Variants in SLC35D4 observed in about 807,000 individuals in gnomAD.
SLC35D4 encodes the protein UDP-N-acetylglucosamine transporter SLC35D4.
chr18:23,264,976 TTCAC>T, the SLC35D4 span, among the ~76,000 whole-genome samples: 5 of 152,254 alleles, frequency 3.3e-5, no homozygotes, highest in African/African-American at 1.2e-4. Context: ...CTCGTGAGGA[TTCAC>T]TCACTATCGT....
chr18:23,367,059 G>A, the SLC35D4 span, among the ~76,000 whole-genome samples: 2 of 152,220 alleles, frequency 1.3e-5, no homozygotes, highest in African/African-American at 4.8e-5. Flanking sequence ...TTCAGGAGGA[G>A]AAGTGATCAC....
the SLC35D4 span, among the ~76,000 whole-genome samples, chr18:23,278,771 C>T: frequency 5.3e-5 from 8 of 151,834 alleles, no homozygotes; most frequent in Non-Finnish European, 7.4e-5. Context: ...TTTGGGAGGC[C>T]GAGGTGAAAG....
the SLC35D4 span, among the ~76,000 whole-genome samples, chr18:23,334,959 C>G: frequency 6.6e-6 from 1 of 151,576 alleles, no homozygotes; most frequent in Non-Finnish European, 1.5e-5. Flanking sequence ...GAGCTGAGAT[C>G]GCGCCACTGC....
the SLC35D4 span, among the ~76,000 whole-genome samples, chr18:23,264,726 T>G: frequency 2.6e-5 from 4 of 151,814 alleles, no homozygotes; most frequent in Non-Finnish European, 4.4e-5. Flanking sequence ...GGTGCAATCA[T>G]GGCTTGCTGC....
At chr18:23,381,925 A>G in the SLC35D4 span, among the ~76,000 whole-genome samples, 1 of 152,148 alleles carries the variant, frequency 6.6e-6, no homozygotes, top group Non-Finnish European at 1.5e-5. Flanking sequence ...AAGAAAGTAA[A>G]TCTTCCTTTC....
At chr18:23,364,363 G>C in the SLC35D4 span, among the ~76,000 whole-genome samples, 1 of 152,070 alleles carries the variant, frequency 6.6e-6, no homozygotes. Flanking sequence ...CCACTCAGTG[G>C]GGGAGCCAAG....
the SLC35D4 span, among the ~76,000 whole-genome samples, chr18:23,332,103 T>C: frequency 6.6e-6 from 1 of 151,778 alleles, no homozygotes; most frequent in East Asian, 1.9e-4. Flanking sequence ...CTATGTTGCC[T>C]AGGCTAGTCT....
the SLC35D4 span, chr18:23,370,121 G>T: frequency 1.9e-6 from 2 of 1,079,648 alleles, no homozygotes; most frequent in Non-Finnish European, 2.6e-6. Context: ...GGAGGGTGCG[G>T]TGAGCTGAGA....
At chr18:23,291,345 C>T in the SLC35D4 span, among the ~76,000 whole-genome samples, 44 of 152,302 alleles carry the variant, frequency 2.9e-4, no homozygotes, top group South Asian at 6.2e-4. Context: ...AAGGGCAGGA[C>T]GGTGGGCCTC....
the SLC35D4 span, chr18:23,437,930 A>G: frequency 1.1e-5 from 17 of 1,486,532 alleles, no homozygotes; most frequent in African/African-American, 1.4e-5. Flanking sequence ...CCGCAGCAGC[A>G]GCAGCGGCAG....
At chr18:23,391,322 T>C in the SLC35D4 span, among the ~76,000 whole-genome samples, 1 of 151,904 alleles carries the variant, frequency 6.6e-6, no homozygotes, top group East Asian at 1.9e-4. Flanking sequence ...CAGAGACGCA[T>C]GGATTTTACC....
chr18:23,360,884 T>C, the SLC35D4 span, among the ~76,000 whole-genome samples: 1 of 151,934 alleles, frequency 6.6e-6, no homozygotes, highest in East Asian at 1.9e-4. Flanking sequence ...GGTGGATCAC[T>C]TGAGGTCAAG....
At chr18:23,384,761 C>T in the SLC35D4 span, among the ~76,000 whole-genome samples, 2 of 152,328 alleles carry the variant, frequency 1.3e-5, 1 homozygote, top group South Asian at 4.1e-4. Flanking sequence ...TCTGGGTCAG[C>T]CTGGCCTGGA....
the SLC35D4 span, among the ~76,000 whole-genome samples, chr18:23,372,860 G>A: frequency 1.3e-5 from 2 of 152,072 alleles, no homozygotes; most frequent in African/African-American, 4.8e-5. Context: ...CTGGCTCAGT[G>A]CCTGACACGT....
the SLC35D4 span, among the ~76,000 whole-genome samples, chr18:23,367,220 T>C: frequency 6.6e-6 from 1 of 151,962 alleles, no homozygotes; most frequent in African/African-American, 2.4e-5. Flanking sequence ...AAGTGAAGAG[T>C]TGGTCCTTTA....
the SLC35D4 span, among the ~76,000 whole-genome samples, chr18:23,411,531 A>AAGAAAGAAAGAAAGAC: frequency 4.6e-5 from 7 of 151,612 alleles, no homozygotes; most frequent in East Asian, 1.2e-3. Context: ...GAAAGAAAGA[A>AAGAAAGAAAGAAAGAC]AGAAAGAAAG....
chr18:23,343,319 C>T, the SLC35D4 span, among the ~76,000 whole-genome samples: 7 of 151,826 alleles, frequency 4.6e-5, no homozygotes, highest in African/African-American at 1.4e-4. Context: ...AGTGCAATGG[C>T]GTGATCTTGG....
At chr18:23,310,099 TCAGCAGTG>T in the SLC35D4 span, 1 of 519,366 alleles carries the variant, frequency 1.9e-6, no homozygotes, top group African/African-American at 2.1e-5. Flanking sequence ...CCATTTTGTC[TCAGCAGTG>T]CAGAACTCGT....
the SLC35D4 span, among the ~76,000 whole-genome samples, chr18:23,279,968 G>A: frequency 6.6e-6 from 1 of 152,074 alleles, no homozygotes; most frequent in Non-Finnish European, 1.5e-5. Context: ...GCCTCCTAAA[G>A]TGCTGGGATT....
Sources: allele counts gnomAD v4.1 joint callset (sites outside exome capture counted in the v4.1 genomes callset), GRCh38; gene constraint gnomAD v4.1.1; transcripts MANE v1.5; gene names NCBI Gene and HGNC (gene_info 2026-07-23, HGNC 2026-07-21).